Variants in RAB6B observed in about 807,000 individuals in gnomAD.
RAB6B encodes RAB6B, member RAS oncogene family.
RAB6B carries 7 observed loss-of-function variants against 31.2 expected under a neutral mutation model. The ratio of observed to expected loss-of-function variants is 0.22; its 90% CI spans 0.13 to 0.42. The LOEUF (loss-of-function observed/expected upper bound fraction) is 0.42, where lower values mean the gene tolerates loss of function less well. RAB6B is among the 10% of genes least tolerant of loss of function. The pLI is 1.00. For synonymous variants in RAB6B, 105 were observed against 104.9 expected (o/e 1.00, Z -0.01); for missense variants, 149 against 280.6 (o/e 0.53, Z 3.35).
In RAB6B at chr3:133,859,540, A is replaced by G. The variant is rs575562718; in HGVS notation, c.129+5044T>C. On this transcript the variant is annotated intron_variant, in intron 2 of 7. Transcript: ENST00000285208. ...CATCATTGGGTCCTACCTCACCTAC[A>G]CCAGCAAAGGCAGTGCGAGGGCTTT... Among the ~76,000 whole-genome samples the G allele has an allele frequency of 3.9e-5, 6 of 152,198 alleles. No homozygotes were observed. In the East Asian group the frequency reaches 1.2e-3, roughly 29 times the overall value.
chr3:133,888,694 T>C (rs1936588085), intron 1 of RAB6B, among the ~76,000 whole-genome samples: 1 of 152,264 alleles, frequency 6.6e-6, no homozygotes, highest in South Asian at 2.1e-4. Context: ...GATCTTACTT[T>C]GTTTAGGGCA....
intron 2 of RAB6B, 25 bp downstream of exon 2, chr3:133,864,559 G>A: frequency 6.2e-7 from 1 of 1,608,866 alleles, no homozygotes; most frequent in East Asian, 2.2e-5. Flanking sequence ...CAGATGATAT[G>A]GAGGGTGAGC....
At chr3:133,861,002 G>A (rs1258804981) in intron 2 of RAB6B, among the ~76,000 whole-genome samples, 1 of 152,216 alleles carries the variant, frequency 6.6e-6, no homozygotes, top group Non-Finnish European at 1.5e-5. Context: ...CCGGAGAAGA[G>A]TGCTGCTACC....
chr3:133,832,232 C>A (rs1302449621), intron 7 of RAB6B, among the ~76,000 whole-genome samples: 1 of 152,096 alleles, frequency 6.6e-6, no homozygotes, highest in Non-Finnish European at 1.5e-5. Context: ...GTATGTAGAA[C>A]CAGTAAGGGG....
At chr3:133,895,319 GGGGGTCCCAAT>G (rs1936693355) in intron 1 of RAB6B, 67 bp downstream of exon 1, 2 of 1,473,084 alleles carry the variant, frequency 1.4e-6, no homozygotes, top group South Asian at 2.3e-5. Flanking sequence ...AGCCTGGGCC[GGGGGTCCCAAT>G]GGGGTGGGCG....
chr3:133,827,897 T>G lies in RAB6B; in HGVS notation c.*891A>C, dbSNP rs935609994. 1.4e-6 allele frequency: 1 copy of G among 702,926 alleles called. No individual in the cohort carries two copies. Among genetic ancestry groups the G allele is most frequent in the Non-Finnish European group, 2.6e-6 (1 of 384,994 alleles). The allele number at this position is 702,926 out of a possible 1,614,324, so 43.5% of individuals were successfully genotyped here. A position where few individuals can be genotyped will look rare whatever the true frequency, so the allele number is the denominator to read the frequency against. ...TGGCCCAGGCATGTGTACTGACTGC[T>G]GGGTGGGCTGGTTAAAATATTTTCA... is the stretch of plus-strand genomic sequence containing the variant. On this transcript the variant is annotated 3_prime_UTR_variant, in exon 8 of 8. Coordinates refer to ENST00000285208, the MANE Select transcript of RAB6B (RefSeq NM_016577.4).
At chr3:133,885,709 T>C in intron 1 of RAB6B, 1 of 683,550 alleles carries the variant, frequency 1.5e-6, no homozygotes, top group Non-Finnish European at 2.7e-6. Context: ...GGGCTAGCTT[T>C]GGTCCATCTG....
At chr3:133,867,928 GCCCGCTAAGACTA>G (rs1936259833) in intron 1 of RAB6B, among the ~76,000 whole-genome samples, 1 of 152,098 alleles carries the variant, frequency 6.6e-6, no homozygotes, top group South Asian at 2.1e-4. Flanking sequence ...CCACCTCAGA[GCCCGCTAAGACTA>G]CCCATGCCCT....
Position 133,839,732 on chromosome 3 carries a change from C to G in RAB6B, c.290-115G>C, listed in dbSNP as rs550948455. The G allele has an allele frequency of 7.4e-4, 576 of 781,484 alleles. 1 individual carries two copies. The African/African-American group carries it at 9.1e-3, about 12-fold the overall frequency. 48.4% of individuals were successfully genotyped at this position (781,484 alleles called of 1,614,324 possible). ...AGGGTGAGCATGTGCCCTCAGATAC[C>G]CAGGGAGGGGTGTGAGCTCAGTCAA... On this transcript the variant is annotated intron_variant, in intron 4 of 7. Coordinates refer to ENST00000285208, the MANE Select transcript of RAB6B (RefSeq NM_016577.4).
At position 133,826,797 on chromosome 3, in the gene RAB6B, G is replaced by A. The variant is rs375499222; in HGVS notation, c.*1991C>T. ...TATTAAGTATTTCTTATTTCAACAC[G>A]TTGCAGTACTTTTGAATTTCCAAAA... On this transcript the variant is annotated 3_prime_UTR_variant, in exon 8 of 8. Transcript: ENST00000285208. 7.2e-4 allele frequency: 110 copies of A among 152,762 alleles called. No individual in the cohort carries two copies. Among genetic ancestry groups the A allele is most frequent in the African/African-American group, 2.5e-3 (105 of 41,562 alleles). The allele number at this position is 152,762 out of a possible 1,614,324, so 9.5% of individuals were successfully genotyped here.
At chr3:133,881,771 G>C (rs914701870) in intron 1 of RAB6B, among the ~76,000 whole-genome samples, 1 of 152,188 alleles carries the variant, frequency 6.6e-6, no homozygotes, top group African/African-American at 2.4e-5. Context: ...GACCAGGCTG[G>C]CTACTTAACC....
intron 2 of RAB6B, among the ~76,000 whole-genome samples, chr3:133,864,137 C>T (rs371228274): frequency 1.4e-4 from 18 of 124,708 alleles, no homozygotes; most frequent in Middle Eastern, 3.5e-3. Context: ...TGTGTGTGCG[C>T]GCGTGTGTGT....
intron 2 of RAB6B, among the ~76,000 whole-genome samples, chr3:133,859,329 T>C (rs774305581): frequency 2.0e-5 from 3 of 152,166 alleles, no homozygotes; most frequent in Non-Finnish European, 4.4e-5. Context: ...GTCTAGATGA[T>C]GGAAAATTAC....
intron 1 of RAB6B, among the ~76,000 whole-genome samples, chr3:133,883,963 C>A (rs575869197): frequency 6.6e-6 from 1 of 152,312 alleles, no homozygotes; most frequent in Non-Finnish European, 1.5e-5. Flanking sequence ...GTGGCCCAGC[C>A]TTCCAAACCA....
At chr3:133,848,482 G>C (rs1351987084) in intron 2 of RAB6B, among the ~76,000 whole-genome samples, 1 of 152,214 alleles carries the variant, frequency 6.6e-6, no homozygotes, top group Non-Finnish European at 1.5e-5. Context: ...TTCTGCTGCT[G>C]TAACAGAATC....
intron 7 of RAB6B, among the ~76,000 whole-genome samples, chr3:133,830,583 G>A (rs1054411209): frequency 1.3e-5 from 2 of 152,006 alleles, no homozygotes; most frequent in Admixed American, 1.3e-4. Context: ...CTGTAAAAAT[G>A]TCCTCATTCC....
intron 2 of RAB6B, among the ~76,000 whole-genome samples, chr3:133,858,189 G>C (rs1012611644): frequency 6.6e-6 from 1 of 152,164 alleles, no homozygotes; most frequent in African/African-American, 2.4e-5. Context: ...AGGCACGAGG[G>C]GCACAGAGCC....
intron 1 of RAB6B, among the ~76,000 whole-genome samples, chr3:133,889,000 T>A (rs1464838781): frequency 6.6e-6 from 1 of 152,140 alleles, no homozygotes; most frequent in Non-Finnish European, 1.5e-5. Flanking sequence ...CTCTTCCCTG[T>A]GGTGAGAAAT....
chr3:133,858,471 G>A (rs920144432), intron 2 of RAB6B, among the ~76,000 whole-genome samples: 3 of 152,198 alleles, frequency 2.0e-5, no homozygotes, highest in Non-Finnish European at 4.4e-5. Flanking sequence ...GTCTGAGACT[G>A]AGGTGTAGGC....
Sources: allele counts gnomAD v4.1 joint callset (sites outside exome capture counted in the v4.1 genomes callset), GRCh38; gene constraint gnomAD v4.1.1; transcripts MANE v1.5; gene names NCBI Gene and HGNC (gene_info 2026-07-23, HGNC 2026-07-21).